TAOK1: variants seen among roughly 807,000 people sequenced by gnomAD.
TAOK1 encodes serine/threonine-protein kinase TAO1.
Under a neutral mutation model 138.3 loss-of-function variants are expected in TAOK1, and 21 were observed. That is an observed-to-expected ratio of 0.15 (90% CI 0.11 to 0.22). TAOK1 has a LOEUF of 0.22. Ranked by LOEUF, TAOK1 falls within the 10% of genes least tolerant of loss-of-function variation. The pLI, the probability that TAOK1 is intolerant of heterozygous loss-of-function variation, is 1.00. For synonymous variants in TAOK1, 361 were observed against 398.4 expected (o/e 0.91, Z 1.12); for missense variants, 651 against 1,227.7 (o/e 0.53, Z 7.02).
chr17:29,409,442 C>G (rs1905089696), intron 1 of TAOK1, among the ~76,000 whole-genome samples: 1 of 149,456 alleles, frequency 6.7e-6, no homozygotes, highest in Admixed American at 6.8e-5. Context: ...TCATGCCATT[C>G]TCCTGCCTCA....
At chr17:29,539,263 GA>G (rs2032274226) in intron 19 of TAOK1, among the ~76,000 whole-genome samples, 2 of 151,976 alleles carry the variant, frequency 1.3e-5, no homozygotes, top group African/African-American at 2.4e-5. Flanking sequence ...CCCTGTCTCA[GA>G]AAACAACAAA....
At chr17:29,535,908 A>G (rs1321079603) in intron 19 of TAOK1, among the ~76,000 whole-genome samples, 1 of 152,134 alleles carries the variant, frequency 6.6e-6, no homozygotes, top group Non-Finnish European at 1.5e-5. Flanking sequence ...ATAAGATGTT[A>G]CTATTTCTCT....
chr17:29,406,548 G>A (rs1904997335), intron 1 of TAOK1, among the ~76,000 whole-genome samples: 1 of 151,756 alleles, frequency 6.6e-6, no homozygotes, highest in African/African-American at 2.4e-5. Context: ...TCTTTTTTGA[G>A]ACTGGATCTC....
At chr17:29,487,285 A>G (rs1187476479) in intron 8 of TAOK1, among the ~76,000 whole-genome samples, 3 of 150,410 alleles carry the variant, frequency 2.0e-5, no homozygotes, top group Non-Finnish European at 4.4e-5. Context: ...AGTATTAAGG[A>G]TAATGAGAGC....
intron 12 of TAOK1, among the ~76,000 whole-genome samples, chr17:29,499,710 C>T (rs1392542356): frequency 6.6e-6 from 1 of 151,748 alleles, no homozygotes; most frequent in African/African-American, 2.4e-5. Context: ...CAGGTGTGCA[C>T]CACTATGCCC....
At chr17:29,497,690 G>A (rs573816980) in intron 11 of TAOK1, among the ~76,000 whole-genome samples, 1 of 137,080 alleles carries the variant, frequency 7.3e-6, no homozygotes, top group South Asian at 2.2e-4. Context: ...ATAATCTAGA[G>A]TTCCCCAAAA....
intron 3 of TAOK1, among the ~76,000 whole-genome samples, chr17:29,472,314 A>T (rs1468240380): frequency 6.8e-6 from 1 of 147,770 alleles, no homozygotes; most frequent in African/African-American, 2.5e-5. Flanking sequence ...GTGCAATGGC[A>T]TGATCTCGGC....
intron 14 of TAOK1, among the ~76,000 whole-genome samples, chr17:29,509,525 A>G (rs1283023811): frequency 6.6e-6 from 1 of 151,804 alleles, no homozygotes; most frequent in African/African-American, 2.4e-5. Flanking sequence ...ATAGCTTGGG[A>G]AAAGGCGATA....
Position 29,498,381 on chromosome 17 carries a change from C to T in TAOK1, c.1063C>T (p.Pro355Ser). The change falls in exon 12 of 20, where the codon CCC (proline) becomes TCC (serine). Residue 355 changes from proline (P) to serine (S), a missense_variant. Physicochemically the swap from Pro to Ser is moderately conservative, Grantham distance 74. Around this residue, in one of 8 missense-constraint regions of TAOK1, gnomAD observed 104 missense variants for 151.7 expected, o/e 0.69. Transcript: ENST00000261716. ...TAGTGTTGGAAGTAATCAATCCATT[C>T]CCAGCATGTCCATCAGTGCCAGCAG... ...VNSVGSNQSI[P>S]SMSISASSQS... is the part of the protein sequence containing the mutation. 2 of 1,614,168 alleles carry T rather than the reference C, an allele frequency of 1.2e-6. No individual in the cohort carries two copies. Among genetic ancestry groups the T allele is most frequent in the Non-Finnish European group, 1.7e-6 (2 of 1,180,026 alleles).
intron 1 of TAOK1, among the ~76,000 whole-genome samples, chr17:29,397,805 A>G (rs1289936570): frequency 6.7e-6 from 1 of 149,534 alleles, no homozygotes; most frequent in Non-Finnish European, 1.5e-5. Context: ...ATATTCATGT[A>G]TGTATATATG....
intron 3 of TAOK1, among the ~76,000 whole-genome samples, chr17:29,469,587 C>T (rs931336294): frequency 1.3e-5 from 2 of 152,154 alleles, no homozygotes; most frequent in African/African-American, 2.4e-5. Context: ...GCTTATATCA[C>T]GTAACCTAAT....
At position 29,478,264 on chromosome 17, in the gene TAOK1, A is replaced by G. The variant is rs1299976191; in HGVS notation, c.366A>G (p.Pro122=). 1.3e-6 allele frequency: 2 copies of G among 1,595,292 alleles called. No homozygotes were observed. Among genetic ancestry groups the G allele is most frequent in the African/African-American group, 1.4e-5 (1 of 74,020 alleles). ...ATAAATTTTAAGTTCACAAAAAGCC[A>G]TTACAAGAAGTGGAAATAGCAGCAA... ...ASDLLEVHKK[P]LQEVEIAAIT... is the part of the protein sequence containing the mutation. The change falls in exon 6 of 20, where the codon CCA becomes CCG. Residue 122 remains proline (P), a synonymous_variant. Coordinates refer to ENST00000261716, the MANE Select transcript of TAOK1 (RefSeq NM_020791.4).
intron 2 of TAOK1, among the ~76,000 whole-genome samples, chr17:29,464,522 G>A (rs189938342): frequency 2.0e-5 from 3 of 151,644 alleles, no homozygotes; most frequent in Non-Finnish European, 4.4e-5. Context: ...ATGTACTAAA[G>A]GCCATTGAAT....
At chr17:29,452,268 GA>G (rs1363582937) in intron 2 of TAOK1, among the ~76,000 whole-genome samples, 1 of 151,912 alleles carries the variant, frequency 6.6e-6, no homozygotes, top group East Asian at 1.9e-4. Context: ...GAAAGAAAAA[GA>G]AAAAAATTTG....
Position 29,543,085 on chromosome 17 carries a change from T to C in TAOK1, c.*63T>C. 1.4e-6 allele frequency: 2 copies of C among 1,389,196 alleles called. No individual in the cohort carries two copies. Among genetic ancestry groups the C allele is most frequent in the Non-Finnish European group, 1.9e-6 (2 of 1,029,010 alleles). The allele number at this position is 1,389,196 out of a possible 1,614,324, so 86.1% of individuals were successfully genotyped here. A position where few individuals can be genotyped will look rare whatever the true frequency, so the allele number is the denominator to read the frequency against. ...TGCCAAAAGAAACTGCCTACAGACATCATCACAGCAGCCTCCTCACTTGGG... is the reference window on the plus strand; with the variant it reads ...TGCCAAAAGAAACTGCCTACAGACACCATCACAGCAGCCTCCTCACTTGGG... On this transcript the variant is annotated 3_prime_UTR_variant, in exon 20 of 20. Transcript: ENST00000261716.
chr17:29,484,901 A>T (rs1298368429), intron 8 of TAOK1, among the ~76,000 whole-genome samples: 1 of 152,166 alleles, frequency 6.6e-6, no homozygotes, highest in African/African-American at 2.4e-5. Flanking sequence ...TATGATTCTC[A>T]ATGCAAATCC....
chr17:29,479,829 T>C (rs543638213), intron 6 of TAOK1, among the ~76,000 whole-genome samples: 24 of 152,120 alleles, frequency 1.6e-4, no homozygotes, highest in Non-Finnish European at 3.1e-4. Flanking sequence ...TTGGGATCAT[T>C]GATACTACAT....
chr17:29,496,776 C>CTGG (rs2031423999), intron 11 of TAOK1, among the ~76,000 whole-genome samples: 1 of 151,746 alleles, frequency 6.6e-6, no homozygotes, highest in African/African-American at 2.4e-5. Flanking sequence ...TAGTAGAGAC[C>CTGG]GGTTTCGCTA....
In TAOK1 at chr17:29,523,392, G is replaced by GAGAC. The variant is rs1488844837; in HGVS notation, c.2148+873_2148+874insAGAC. ...GTTAACAATTCTGAAGTTTTTGTTT[G>GAGAC]TTTGTTTGTTTTTGAGACAGAGTCT... On this transcript the variant is annotated intron_variant, in intron 17 of 19. Transcript: ENST00000261716. Among the ~76,000 whole-genome samples the GAGAC allele has an allele frequency of 2.6e-5, 4 of 152,090 alleles. No homozygotes were observed. The South Asian group carries it at 8.3e-4, about 32-fold the overall frequency.
Sources: gnomAD v4.1 joint callset for allele counts (sites outside exome capture counted in the v4.1 genomes callset) on GRCh38, gnomAD v4.1.1 for gene constraint, gnomAD v4.1.1 regional missense constraint, MANE v1.5 for transcripts, NCBI Gene and HGNC (gene_info 2026-07-23, HGNC 2026-07-21) for gene names.